The following FYCO1 variants were observed in gnomAD, a reference collection of about 807,000 sequenced individuals.
The protein encoded by FYCO1 is FYVE and coiled-coil domain-containing protein 1.
In FYCO1, 122 loss-of-function variants were observed where a neutral mutation model predicts 165.1. The ratio of observed to expected loss-of-function variants is 0.74; its 90% confidence interval spans 0.64 to 0.86. The LOEUF is 0.86. FYCO1 is among the 40% of genes least tolerant of loss of function. The probability of loss-of-function intolerance (pLI) is 0.00; values close to 1 mark genes in which losing one functional copy is unlikely to be tolerated. For missense variants in FYCO1, 1,702 were observed against 1,810.3 expected (o/e 0.94, Z 1.09); for synonymous variants, 648 against 742.5 (o/e 0.87, Z 2.07).
rs1706951846 is a variant in FYCO1 at position 45,979,739 on chromosome 3, T to C, written c.254A>G (p.Asn85Ser). Residue 85 changes from asparagine to serine, a missense_variant, in exon 4 of 18, where the codon AAT becomes AGT. By Grantham distance (46) the Asn-to-Ser change is conservative (BLOSUM62 1). Transcript: ENST00000296137. Reference sequence around the variant, plus strand: ...AGACTTGACAAAGCGGATCCCATCATTGGCTCCTTTCACCTTGGCCAGGCA... The same window carrying C: ...AGACTTGACAAAGCGGATCCCATCACTGGCTCCTTTCACCTTGGCCAGGCA... ...CACLAKVKGANDGIRFVKSIS... is the reference protein window; with the variant it reads ...CACLAKVKGASDGIRFVKSIS... 2.5e-6 allele frequency: 4 copies of C among 1,614,096 alleles called. No homozygotes were observed. The highest frequency in any genetic ancestry group is 2.5e-6 in the Non-Finnish European group (3 of 1,179,960).
At chr3:45,947,537 T>C (rs561897998) in intron 14 of FYCO1, 2 of 1,589,062 alleles carry the variant, frequency 1.3e-6, no homozygotes, top group East Asian at 2.2e-5. Context: ...GAGAAGCTGC[T>C]CTGGAATTTG....
rs1707651490 is a variant in FYCO1 at position 45,993,467 on chromosome 3, A to G, written c.-113+2255T>C. Among the ~76,000 whole-genome samples the G allele has an allele frequency of 6.6e-6, 1 of 152,214 alleles. No homozygotes were observed. Among genetic ancestry groups the G allele is most frequent in the Non-Finnish European group, 1.5e-5 (1 of 68,038 alleles). On this transcript the variant is annotated intron_variant, in intron 1 of 17. Transcript: ENST00000296137. The surrounding 1 kb of genome is among the most constrained non-coding windows in gnomAD (Gnocchi z 4.4). Reference sequence around the variant, plus strand: ...CATTTCCATAGGTAGAACCACAGAAACATTCCAATTCCCACCCTATTGATT... The same window carrying G: ...CATTTCCATAGGTAGAACCACAGAAGCATTCCAATTCCCACCCTATTGATT...
rs1264063820 is a variant in FYCO1, at chr3:45,979,604, C to T, written c.288+101G>A. On this transcript the variant is annotated intron_variant, in intron 4 of 17. Coordinates refer to ENST00000296137, the MANE Select transcript of FYCO1 (RefSeq NM_024513.4). ...TAGATTTCTTTACCACCCATAAACTCCCACTTCCTTATTTAGCTGTCTGCA... is the reference window on the plus strand; with the variant it reads ...TAGATTTCTTTACCACCCATAAACTTCCACTTCCTTATTTAGCTGTCTGCA... 7 of 1,435,134 alleles carry T rather than the reference C, an allele frequency of 4.9e-6. No individual in the cohort carries two copies. The East Asian group carries it at 1.6e-4, about 33-fold the overall frequency. 88.9% of individuals were successfully genotyped at this position (1,435,134 alleles called of 1,614,324 possible).
chr3:45,923,878 A>ACG, intron 16 of FYCO1, 113 bp from the exon 17 acceptor site: 1 of 760,256 alleles, frequency 1.3e-6, no homozygotes, highest in East Asian at 2.5e-5. Flanking sequence ...GCCTGAGGTC[A>ACG]CAGATGAGCA....
Position 45,993,472 on chromosome 3 carries a change from C to T in FYCO1, c.-113+2250G>A, listed in dbSNP as rs1299903229. Among the ~76,000 whole-genome samples the T allele has an allele frequency of 6.6e-6, 1 of 152,210 alleles. No individual in the cohort carries two copies. Among genetic ancestry groups the T allele is most frequent in the Non-Finnish European group, 1.5e-5 (1 of 68,036 alleles). The stretch of plus-strand genomic sequence containing the variant: ...CCATAGGTAGAACCACAGAAACATT[C>T]CAATTCCCACCCTATTGATTTATTT... On this transcript the variant is annotated intron_variant, in intron 1 of 17. Transcript: ENST00000296137. This position sits in a 1 kb window ranked among gnomAD's most constrained non-coding sequence, Gnocchi z 4.4.
At position 45,962,968 on chromosome 3, in the gene FYCO1, G is replaced by C. The variant is rs1705788947; in HGVS notation, c.3270-576C>G. On this transcript the variant is annotated intron_variant, in intron 10 of 17. Coordinates refer to ENST00000296137, the MANE Select transcript of FYCO1 (RefSeq NM_024513.4). The surrounding 1 kb of genome is among the most constrained non-coding windows in gnomAD (Gnocchi z 4.4). ...AGGGTGTCTCAGTCTATAGCAGAGG[G>C]AGCTGGCTGAATCTCGCTGTCTTCC... is the stretch of plus-strand genomic sequence containing the variant. Among the ~76,000 whole-genome samples the C allele has an allele frequency of 6.6e-6, 1 of 152,190 alleles. No homozygotes were observed.
intron 14 of FYCO1, among the ~76,000 whole-genome samples, chr3:45,943,948 C>T (rs996314952): frequency 6.6e-6 from 1 of 152,114 alleles, no homozygotes; most frequent in Non-Finnish European, 1.5e-5. Context: ...AATCAACATA[C>T]TACTGTAGAA....
rs988306168 is a variant in FYCO1 at position 45,920,771 on chromosome 3, A to G, written c.*994T>C. On this transcript the variant is annotated 3_prime_UTR_variant, in exon 18 of 18. Transcript: ENST00000296137. Reference sequence around the variant, plus strand: ...TCTTAAGTTATCAAAGACTTTTGTTAAGAAGGCCCCAATGTTTGAAAGTGG... The same window carrying G: ...TCTTAAGTTATCAAAGACTTTTGTTGAGAAGGCCCCAATGTTTGAAAGTGG... 7.9e-5 allele frequency: 12 copies of G among 152,754 alleles called. No homozygotes were observed. Among genetic ancestry groups the G allele is most frequent in the Admixed American group, 2.0e-4 (3 of 15,308 alleles). The allele number at this position is 152,754 out of a possible 1,614,324, so 9.5% of individuals were successfully genotyped here. A position where few individuals can be genotyped will look rare whatever the true frequency, so the allele number is the denominator to read the frequency against.
chr3:45,918,036 C>A lies in FYCO1; in HGVS notation c.*3729G>T, dbSNP rs1205515138. The A allele has an allele frequency of 2.0e-5, 3 of 152,580 alleles. No homozygotes were observed. Among genetic ancestry groups the A allele is most frequent in the Non-Finnish European group, 4.4e-5 (3 of 68,036 alleles). The allele number at this position is 152,580 out of a possible 1,614,324, so 9.5% of individuals were successfully genotyped here. On this transcript the variant is annotated 3_prime_UTR_variant, in exon 18 of 18. Transcript: ENST00000296137. ...CCACCCCCATTGAGCAGGTGGGGTG[C>A]TGGTATTTGATGTGCTTCTAGATAA...
At chr3:45,951,216 G>C (rs1478914179) in intron 14 of FYCO1, among the ~76,000 whole-genome samples, 3 of 152,178 alleles carry the variant, frequency 2.0e-5, no homozygotes. Flanking sequence ...CTCCATGAAA[G>C]TCTTCCCAGG....
Position 45,967,370 on chromosome 3 carries a change from G to C in FYCO1, c.1964C>G (p.Ala655Gly), listed in dbSNP as rs147306927. The change falls in exon 8 of 18, where the codon GCC becomes GGC. Residue 655 changes from alanine (A) to glycine (G), a missense_variant. Coordinates refer to ENST00000296137, the MANE Select transcript of FYCO1 (RefSeq NM_024513.4). Reference sequence around the variant, plus strand: ...CAGGGAGGCCAAGGAGCCCTGGATGGCTGATTCCCGCTGCTGCAAAGCCTG... The same window carrying C: ...CAGGGAGGCCAAGGAGCCCTGGATGCCTGATTCCCGCTGCTGCAAAGCCTG... The part of the protein sequence containing the change: ...DYQALQQRES[A>G]IQGSLASLEA... 1.2e-6 allele frequency: 2 copies of C among 1,609,930 alleles called. No homozygotes were observed. The highest frequency in any genetic ancestry group is 2.7e-5 in the African/African-American group (2 of 74,864).
chr3:45,944,590 T>C (rs1704462761), intron 14 of FYCO1, among the ~76,000 whole-genome samples: 1 of 152,156 alleles, frequency 6.6e-6, no homozygotes, highest in Admixed American at 6.5e-5. Context: ...GAAATGAATG[T>C]TTTTAGTTCG....
chr3:45,977,077 C>A (rs1475199050), intron 4 of FYCO1, among the ~76,000 whole-genome samples: 1 of 151,984 alleles, frequency 6.6e-6, no homozygotes, highest in East Asian at 1.9e-4. Context: ...GAGGTGAGAA[C>A]AAAGTGTTTA....
intron 14 of FYCO1, among the ~76,000 whole-genome samples, chr3:45,950,091 G>C (rs964633895): frequency 7.9e-5 from 12 of 152,234 alleles, no homozygotes; most frequent in African/African-American, 2.6e-4. Flanking sequence ...GTGTGGGGCA[G>C]AGCCAGTTCC....
intron 17 of FYCO1, among the ~76,000 whole-genome samples, chr3:45,922,934 A>C (rs1380256896): frequency 1.3e-5 from 2 of 152,210 alleles, no homozygotes; most frequent in Non-Finnish European, 2.9e-5. Context: ...TCTGTGCTGA[A>C]GCAGAAGACA....
chr3:45,977,286 T>C (rs1355615133), intron 4 of FYCO1, among the ~76,000 whole-genome samples: 2 of 147,304 alleles, frequency 1.4e-5, no homozygotes, highest in Non-Finnish European at 3.0e-5. Context: ...CTTTAGAACA[T>C]CAAAACTTTT....
Position 45,966,268 on chromosome 3 carries a change from T to C in FYCO1, c.3057+9A>G. On this transcript the variant is annotated intron_variant, in intron 8 of 17. Coordinates refer to ENST00000296137, the MANE Select transcript of FYCO1 (RefSeq NM_024513.4). Reference sequence around the variant, plus strand: ...GGGGTAGAGCCCAAGTGGTTGAAGCTAGGATTACCTTAAGTCTGCTCTGGT... The same window carrying C: ...GGGGTAGAGCCCAAGTGGTTGAAGCCAGGATTACCTTAAGTCTGCTCTGGT... 6.2e-7 allele frequency: 1 copy of C among 1,613,018 alleles called. No individual in the cohort carries two copies. The highest frequency in any genetic ancestry group is 8.5e-7 in the Non-Finnish European group (1 of 1,179,916).
chr3:45,940,061 G>T (rs1325788714), intron 14 of FYCO1, among the ~76,000 whole-genome samples: 1 of 152,302 alleles, frequency 6.6e-6, no homozygotes, highest in Middle Eastern at 3.4e-3. Flanking sequence ...TCTGTGATCT[G>T]GGGGCATCTT....
At chr3:45,975,214 A>T in intron 5 of FYCO1, 25 bp downstream of exon 5, 2 of 1,509,206 alleles carry the variant, frequency 1.3e-6, no homozygotes, top group East Asian at 4.5e-5. Context: ...GATGATCCCA[A>T]ACCCCAGCCC....
Sources: gnomAD v4.1 joint callset for allele counts (sites outside exome capture counted in the v4.1 genomes callset) on GRCh38, gnomAD v4.1.1 for gene constraint, Gnocchi (gnomAD v3.1) non-coding constraint, MANE v1.5 for transcripts, NCBI Gene and HGNC (gene_info 2026-07-23, HGNC 2026-07-21) for gene names.